The following AGAP1 variants were observed in gnomAD, a reference collection of about 807,000 sequenced individuals.
AGAP1 encodes the protein arf-GAP with GTPase, ANK repeat and PH domain-containing protein 1.
A neutral mutation model predicts 105.3 loss-of-function variants in AGAP1; 29 were observed. That is an observed-to-expected ratio of 0.28 (90% confidence interval 0.21 to 0.38). AGAP1 has a LOEUF of 0.38. AGAP1 is among the 10% of genes least tolerant of loss of function. The pLI is 1.00. For synonymous variants in AGAP1, 509 were observed against 485.9 expected (o/e 1.05, Z -0.63); for missense variants, 998 against 1,165.1 (o/e 0.86, Z 2.09).
At chr2:236,064,226 G>A (rs901065803) in intron 16 of AGAP1, among the ~76,000 whole-genome samples, 6 of 152,204 alleles carry the variant, frequency 3.9e-5, no homozygotes, top group African/African-American at 1.4e-4. Flanking sequence ...CGTGGCTTAG[G>A]AGCATGGAGT....
chr2:235,844,716 T>C (rs917828945), intron 9 of AGAP1, among the ~76,000 whole-genome samples: 1 of 152,082 alleles, frequency 6.6e-6, no homozygotes, highest in African/African-American at 2.4e-5. Context: ...TGGCCTCCTC[T>C]CCGAACCTGG....
Position 235,665,112 on chromosome 2 carries a change from A to G in AGAP1, c.164-44067A>G, listed in dbSNP as rs1404690469. ...GTGACATGTGCCTGTGGTCCCAGCT[A>G]TTCAGGAGGCAGGAGGATCACTTGA... On this transcript the variant is annotated intron_variant, in intron 1 of 17. Coordinates refer to ENST00000304032, the MANE Select transcript of AGAP1 (RefSeq NM_001037131.3). This position sits in a 1 kb window ranked among gnomAD's most constrained non-coding sequence, Gnocchi z 5.3. Among the ~76,000 whole-genome samples the G allele has an allele frequency of 1.3e-5, 2 of 151,924 alleles. No individual in the cohort carries two copies. Among genetic ancestry groups the G allele is most frequent in the Non-Finnish European group, 2.9e-5 (2 of 68,020 alleles).
At position 235,712,447 on chromosome 2, in the gene AGAP1, G is replaced by A. The variant is rs1253359605; in HGVS notation, c.222+3210G>A. 1.3e-5 allele frequency among the ~76,000 whole-genome samples: 2 copies of A among 152,260 alleles called. No individual in the cohort carries two copies. The highest frequency in any genetic ancestry group is 2.9e-5 in the Non-Finnish European group (2 of 68,050). ...AAAAGCTTGATGCTTCTGTCAGAGG[G>A]GAAGGCACATAGGCTCTGGACATCT... On this transcript the variant is annotated intron_variant, in intron 2 of 17. Coordinates refer to ENST00000304032, the MANE Select transcript of AGAP1 (RefSeq NM_001037131.3). This position sits in a 1 kb window ranked among gnomAD's most constrained non-coding sequence, Gnocchi z 6.0.
At position 236,078,037 on chromosome 2, in the gene AGAP1, T is replaced by TTGTGTGTGTG. The variant is rs9287595; in HGVS notation, c.2114+28784_2114+28793dup. ...AGGGTTCTCCAGAGAAACAACCAAT[T>TTGTGTGTGTG]TGTGTGTGTGTGTGTGTGTGTGTGT... On this transcript the variant is annotated intron_variant, in intron 16 of 17. Coordinates refer to ENST00000304032, the MANE Select transcript of AGAP1 (RefSeq NM_001037131.3). This position sits in a 1 kb window ranked among gnomAD's most constrained non-coding sequence, Gnocchi z 5.3. Among the ~76,000 whole-genome samples the TTGTGTGTGTG allele has an allele frequency of 0.033, 4,608 of 140,422 alleles. 82 individuals are homozygous for TTGTGTGTGTG. The highest frequency in any genetic ancestry group is 0.049 in the African/African-American group (1,866 of 37,720). 92.1% of individuals were successfully genotyped at this position (140,422 alleles called of 152,430 possible). A position where few individuals can be genotyped will look rare whatever the true frequency, so the allele number is the denominator to read the frequency against.
chr2:235,784,462 A>T (rs139646638), intron 6 of AGAP1, among the ~76,000 whole-genome samples: 54 of 152,308 alleles, frequency 3.5e-4, no homozygotes, highest in African/African-American at 1.2e-3. Context: ...ATTATTAGTC[A>T]CAAATGTGAA....
At chr2:235,562,340 C>T (rs1388736288) in intron 1 of AGAP1, among the ~76,000 whole-genome samples, 2 of 152,004 alleles carry the variant, frequency 1.3e-5, no homozygotes, top group Non-Finnish European at 2.9e-5. Context: ...GGAAAGGTGT[C>T]TTTTTTTGCA....
Position 235,981,946 on chromosome 2 carries a change from A to T in AGAP1, c.1645+13323A>T, listed in dbSNP as rs2055117261. Among the ~76,000 whole-genome samples, 1 of 152,214 alleles carries T rather than the reference A, an allele frequency of 6.6e-6. No homozygotes were observed. The highest frequency in any genetic ancestry group is 2.1e-4 in the South Asian group (1 of 4,830). ...TTGTCTAGGATTCTTCCTACAGAAG[A>T]AGTTCATATAAAATAAGGGGTTTTA... On this transcript the variant is annotated intron_variant, in intron 13 of 17. Transcript: ENST00000304032. This position sits in a 1 kb window ranked among gnomAD's most constrained non-coding sequence, Gnocchi z 5.5.
At chr2:235,591,010 C>T (rs1307504393) in intron 1 of AGAP1, among the ~76,000 whole-genome samples, 9 of 149,348 alleles carry the variant, frequency 6.0e-5, no homozygotes, top group Admixed American at 1.3e-4. Context: ...CGTGAGCCAC[C>T]GCCCGGCCTA....
rs1025955182 is a variant in AGAP1, at chr2:235,665,782, C to T, written c.164-43397C>T. ...CCAGTGGTTGGCCAGTTTCTACCAT[C>T]AGCAGACGCGGTTCTGCTAAGATAC... On this transcript the variant is annotated intron_variant, in intron 1 of 17. Coordinates refer to ENST00000304032, the MANE Select transcript of AGAP1 (RefSeq NM_001037131.3). The surrounding 1 kb of genome is among the most constrained non-coding windows in gnomAD (Gnocchi z 5.3). Among the ~76,000 whole-genome samples the T allele has an allele frequency of 6.6e-6, 1 of 152,126 alleles. No individual in the cohort carries two copies. Among genetic ancestry groups the T allele is most frequent in the African/African-American group, 2.4e-5 (1 of 41,426 alleles).
In AGAP1 at chr2:236,054,871, C is replaced by T. The variant is rs373804114; in HGVS notation, c.2114+5590C>T. On this transcript the variant is annotated intron_variant, in intron 16 of 17. Coordinates refer to ENST00000304032, the MANE Select transcript of AGAP1 (RefSeq NM_001037131.3). The stretch of plus-strand genomic sequence containing the variant: ...CTGCCCCTGCCGCCACTGCCGGGCC[C>T]GGGCCCCCTCCCCGGCTGCCCTCCC... Among the ~76,000 whole-genome samples the T allele has an allele frequency of 3.4e-3, 522 of 152,278 alleles. 2 individuals are homozygous for T. The highest frequency in any genetic ancestry group is 5.9e-3 in the Non-Finnish European group (400 of 68,026).
intron 1 of AGAP1, among the ~76,000 whole-genome samples, chr2:235,684,326 G>A (rs1450880787): frequency 6.6e-6 from 1 of 152,140 alleles, no homozygotes; most frequent in Non-Finnish European, 1.5e-5. Context: ...TTACAGGTGT[G>A]AACCACCGCA....
At chr2:235,502,263 A>C (rs1941592194) in intron 1 of AGAP1, among the ~76,000 whole-genome samples, 1 of 152,094 alleles carries the variant, frequency 6.6e-6, no homozygotes, top group Admixed American at 6.6e-5. Flanking sequence ...GGGAAGGAAA[A>C]CAAATACCAC....
chr2:235,866,728 C>G lies in AGAP1; in HGVS notation c.1051-16617C>G, dbSNP rs537939683. 1.1e-4 allele frequency among the ~76,000 whole-genome samples: 17 copies of G among 152,322 alleles called. No homozygotes were observed. In the South Asian group the frequency reaches 3.1e-3, roughly 28 times the overall value. On this transcript the variant is annotated intron_variant, in intron 9 of 17. Transcript: ENST00000304032. This position sits in a 1 kb window ranked among gnomAD's most constrained non-coding sequence, Gnocchi z 6.1. ...GAGGCTGGAAGTCTTGGATCAAGGCCTCAGTGGGATTGGCTTCTCCTGAAG... is the reference window on the plus strand; with the variant it reads ...GAGGCTGGAAGTCTTGGATCAAGGCGTCAGTGGGATTGGCTTCTCCTGAAG...
Position 236,123,901 on chromosome 2 carries a change from G to A in AGAP1, c.2371-18G>A. On this transcript the variant is annotated intron_variant, in intron 17 of 17. Transcript: ENST00000304032. This position sits in a 1 kb window ranked among gnomAD's most constrained non-coding sequence, Gnocchi z 4.6. ...CACATCCCCCATGATACTAATGTGG[G>A]CTCCCTTACCTCCGCAGTACGGAGT... 1 of 1,611,918 alleles carries A rather than the reference G, an allele frequency of 6.2e-7. No individual in the cohort carries two copies. The highest frequency in any genetic ancestry group is 8.5e-7 in the Non-Finnish European group (1 of 1,179,784).
chr2:235,624,304 C>A (rs571992983), intron 1 of AGAP1, among the ~76,000 whole-genome samples: 2 of 152,294 alleles, frequency 1.3e-5, no homozygotes, highest in South Asian at 4.2e-4. Flanking sequence ...AGTCCCCTTG[C>A]CCCCTTCTCT....
intron 6 of AGAP1, among the ~76,000 whole-genome samples, chr2:235,763,934 G>T (rs1157825456): frequency 6.6e-6 from 1 of 152,198 alleles, no homozygotes; most frequent in Non-Finnish European, 1.5e-5. Flanking sequence ...AAAGGTGGGA[G>T]CAGCCGTGCT....
At chr2:236,099,667 C>G (rs1349929939) in intron 16 of AGAP1, among the ~76,000 whole-genome samples, 1 of 152,098 alleles carries the variant, frequency 6.6e-6, no homozygotes, top group Non-Finnish European at 1.5e-5. Flanking sequence ...TTGGTGATAT[C>G]TTTGCCACCA....
chr2:236,081,378 C>T (rs1360114908), intron 16 of AGAP1, among the ~76,000 whole-genome samples: 1 of 152,146 alleles, frequency 6.6e-6, no homozygotes, highest in Non-Finnish European at 1.5e-5. Context: ...GAGAAAATGG[C>T]CGGGGTGCGT....
intron 11 of AGAP1, among the ~76,000 whole-genome samples, chr2:235,925,436 G>C (rs2052400277): frequency 2.0e-5 from 3 of 152,144 alleles, no homozygotes; most frequent in Non-Finnish European, 4.4e-5. Context: ...AGACAATCCA[G>C]AGGCTCTCTT....
Sources: gnomAD v4.1 joint callset for allele counts (sites outside exome capture counted in the v4.1 genomes callset) on GRCh38, gnomAD v4.1.1 for gene constraint, Gnocchi (gnomAD v3.1) non-coding constraint, MANE v1.5 for transcripts, NCBI Gene and HGNC (gene_info 2026-07-23, HGNC 2026-07-21) for gene names.